KCNH5: variants seen among roughly 807,000 people sequenced by gnomAD.
KCNH5 encodes potassium voltage-gated channel subfamily H member 5.
A neutral mutation model predicts 96.1 loss-of-function variants in KCNH5; 46 were observed. The observed-to-expected ratio is 0.48, with a 90% CI of 0.38 to 0.61. KCNH5 has a LOEUF of 0.61. KCNH5 is among the 20% of genes least tolerant of loss of function. The pLI is 0.00. For missense variants in KCNH5, 907 were observed against 1,225.8 expected (o/e 0.74, Z 3.88); for synonymous variants, 439 against 449.8 (o/e 0.98, Z 0.30).
chr14:62,821,016 G>A (rs906085287), intron 8 of KCNH5, among the ~76,000 whole-genome samples: 22 of 151,798 alleles, frequency 1.4e-4, no homozygotes, highest in African/African-American at 5.1e-4. Flanking sequence ...GTGTATAAGA[G>A]TTCCTTTCTC....
At chr14:63,034,583 A>G (rs149421649) in intron 1 of KCNH5, among the ~76,000 whole-genome samples, 7 of 152,382 alleles carry the variant, frequency 4.6e-5, no homozygotes, top group Middle Eastern at 3.4e-3. Context: ...CATTAAGCAG[A>G]CCATCACTGT....
intron 7 of KCNH5, among the ~76,000 whole-genome samples, chr14:62,924,734 T>G (rs1889441248): frequency 6.6e-6 from 1 of 151,892 alleles, no homozygotes; most frequent in South Asian, 2.1e-4. Flanking sequence ...CAATGCATGA[T>G]CTCACTTACA....
chr14:62,844,640 T>G (rs1369992821), intron 8 of KCNH5, among the ~76,000 whole-genome samples: 1 of 152,204 alleles, frequency 6.6e-6, no homozygotes, highest in African/African-American at 2.4e-5. Context: ...GCAACCGTAC[T>G]AATGAGCAGT....
chr14:62,946,643 T>C (rs1889892745), intron 7 of KCNH5, among the ~76,000 whole-genome samples: 1 of 152,104 alleles, frequency 6.6e-6, no homozygotes, highest in Non-Finnish European at 1.5e-5. Flanking sequence ...AGCAGCTTTA[T>C]TTGTAATAGC....
chr14:62,840,569 T>G, intron 8 of KCNH5, among the ~76,000 whole-genome samples: 1 of 46,432 alleles, frequency 2.2e-5, no homozygotes, highest in African/African-American at 1.3e-4. Flanking sequence ...TTTTTTTCTT[T>G]TTTTTTTTTT....
At chr14:62,999,221 T>C (rs573179373) in intron 4 of KCNH5, among the ~76,000 whole-genome samples, 28 of 152,278 alleles carry the variant, frequency 1.8e-4, no homozygotes, top group Admixed American at 9.2e-4. Flanking sequence ...TTTTAATGAT[T>C]GCCATTCTAA....
intron 7 of KCNH5, among the ~76,000 whole-genome samples, chr14:62,863,282 C>T (rs771716550): frequency 2.6e-5 from 4 of 152,012 alleles, no homozygotes; most frequent in Non-Finnish European, 5.9e-5. Flanking sequence ...CCTTGTGTAG[C>T]AAAGTAAACA....
At position 62,901,074 on chromosome 14, in the gene KCNH5, C is replaced by T. The variant is rs146037691; in HGVS notation, c.1369+49059G>A. 2.6e-3 allele frequency among the ~76,000 whole-genome samples: 389 copies of T among 152,128 alleles called. 7 individuals are homozygous for T. Among genetic ancestry groups the T allele is most frequent in the African/African-American group, 8.8e-3 (367 of 41,496 alleles). Reference sequence around the variant, plus strand: ...CATGATCTCGGCTCAATACAACCTCCGCCTCCCCGGTTCAAGCACTACTCC... The same window carrying T: ...CATGATCTCGGCTCAATACAACCTCTGCCTCCCCGGTTCAAGCACTACTCC... On this transcript the variant is annotated intron_variant, in intron 7 of 10. Transcript: ENST00000322893.
intron 9 of KCNH5, among the ~76,000 whole-genome samples, chr14:62,790,428 T>C (rs1346751981): frequency 2.0e-5 from 3 of 151,896 alleles, no homozygotes; most frequent in African/African-American, 7.2e-5. Context: ...TGTTCTCTAT[T>C]TCTTTAAAAA....
At chr14:62,920,042 T>C (rs1043356668) in intron 7 of KCNH5, among the ~76,000 whole-genome samples, 5 of 152,094 alleles carry the variant, frequency 3.3e-5, no homozygotes, top group Admixed American at 2.0e-4. Context: ...ATACAGTGCA[T>C]GAGAGTTTTG....
intron 1 of KCNH5, 55 bp downstream of exon 1, chr14:63,045,059 G>GGGC: frequency 7.5e-7 from 1 of 1,341,580 alleles, no homozygotes; most frequent in Non-Finnish European, 1.1e-6. Context: ...GGAGGATGGG[G>GGGC]GGCGCGTGTG....
At chr14:62,822,674 A>AC (rs1887139302) in intron 8 of KCNH5, among the ~76,000 whole-genome samples, 5 of 151,882 alleles carry the variant, frequency 3.3e-5, no homozygotes, top group Admixed American at 3.3e-4. Flanking sequence ...AAATGAAAAA[A>AC]AAAAAAGCTT....
At chr14:62,873,796 G>T (rs1888311667) in intron 7 of KCNH5, among the ~76,000 whole-genome samples, 1 of 152,090 alleles carries the variant, frequency 6.6e-6, no homozygotes, top group Admixed American at 6.5e-5. Flanking sequence ...GAATCTACAA[G>T]CCTCAAGGGG....
At chr14:62,733,784 C>G (rs1346985662) in intron 10 of KCNH5, among the ~76,000 whole-genome samples, 2 of 152,178 alleles carry the variant, frequency 1.3e-5, no homozygotes, top group African/African-American at 4.8e-5. Flanking sequence ...TCTTGGCAAC[C>G]ATGATATCTT....
At chr14:62,737,752 C>T (rs1008485744) in intron 10 of KCNH5, among the ~76,000 whole-genome samples, 2 of 152,018 alleles carry the variant, frequency 1.3e-5, no homozygotes, top group Admixed American at 6.6e-5. Context: ...AAATCCCAGT[C>T]GAGTACCACT....
Position 62,997,922 on chromosome 14 carries a change from T to TA in KCNH5, c.433+3408dup, listed in dbSNP as rs1205276187. Reference sequence around the variant, plus strand: ...CTCAAAAAAAAAAAAAAAAAAAAATTAAAAAAAAAATATGTCTGTAGTTTT... The same window carrying TA: ...CTCAAAAAAAAAAAAAAAAAAAAATTAAAAAAAAAAATATGTCTGTAGTTTT... On this transcript the variant is annotated intron_variant, in intron 4 of 10. Coordinates refer to ENST00000322893, the MANE Select transcript of KCNH5 (RefSeq NM_139318.5). Among the ~76,000 whole-genome samples, 391 of 141,538 alleles carry TA rather than the reference T, an allele frequency of 2.8e-3. 5 individuals are homozygous for TA. Among genetic ancestry groups the TA allele is most frequent in the African/African-American group, 9.9e-3 (363 of 36,606 alleles). 92.9% of individuals were successfully genotyped at this position (141,538 alleles called of 152,430 possible).
chr14:62,918,552 A>G (rs968543108), intron 7 of KCNH5, among the ~76,000 whole-genome samples: 1 of 152,294 alleles, frequency 6.6e-6, no homozygotes, highest in East Asian at 1.9e-4. Context: ...ACAGCATACT[A>G]ATAAAAACAA....
At chr14:62,837,739 A>T (rs1887492849) in intron 8 of KCNH5, among the ~76,000 whole-genome samples, 1 of 152,170 alleles carries the variant, frequency 6.6e-6, no homozygotes, top group Non-Finnish European at 1.5e-5. Context: ...GTCTTCTATG[A>T]TTTATCAAAT....
chr14:62,771,640 G>T (rs951564570), intron 10 of KCNH5, among the ~76,000 whole-genome samples: 1 of 152,008 alleles, frequency 6.6e-6, no homozygotes, highest in African/African-American at 2.4e-5. Context: ...CAAACAAAAA[G>T]ACTCTAAACT....
Sources: gnomAD v4.1 joint callset for allele counts (sites outside exome capture counted in the v4.1 genomes callset) on GRCh38, gnomAD v4.1.1 for gene constraint, MANE v1.5 for transcripts, NCBI Gene and HGNC (gene_info 2026-07-23, HGNC 2026-07-21) for gene names.